The following CCR5AS variants were observed in gnomAD, a reference collection of about 807,000 sequenced individuals.
CCR5AS encodes CCR5 antisense RNA.
At chr3:46,371,702 G>A (rs948296393) in intron 2 of CCR5AS, among the ~76,000 whole-genome samples, 26 of 152,304 alleles carry the variant, frequency 1.7e-4, no homozygotes, top group African/African-American at 6.3e-4. Flanking sequence ...TTCATCTGTG[G>A]TGGCAGACGA....
At chr3:46,392,108 T>C (rs1053906141) in intron 2 of CCR5AS, among the ~76,000 whole-genome samples, 2 of 152,210 alleles carry the variant, frequency 1.3e-5, no homozygotes, top group African/African-American at 2.4e-5. Flanking sequence ...TTGTCAAGTT[T>C]GTATTGGGGC....
chr3:46,368,674 C>T (rs1362748677), intron 3 of CCR5AS, among the ~76,000 whole-genome samples: 1 of 152,228 alleles, frequency 6.6e-6, no homozygotes, highest in Non-Finnish European at 1.5e-5. Flanking sequence ...TGCCCCAGGT[C>T]TAGCACGTCA....
rs140523021 is a variant in CCR5AS at position 46,368,905 on chromosome 3, C to G, written n.565+2339G>C. Among the ~76,000 whole-genome samples the G allele has an allele frequency of 1.6e-3, 248 of 152,290 alleles. 1 individual carries two copies. Among genetic ancestry groups the G allele is most frequent in the African/African-American group, 5.3e-3 (222 of 41,556 alleles). On this transcript the variant is annotated intron_variant and non_coding_transcript_variant, in intron 3 of 3. Coordinates refer to ENST00000451485, the Ensembl canonical transcript of CCR5AS. The stretch of plus-strand genomic sequence containing the variant: ...TGGTGAAAGTAAGAACCAGCAATTG[C>G]CACAAACAGAAATACAGTGTTGGTC...
At chr3:46,400,725 G>A (rs1221383894) in intron 1 of CCR5AS, among the ~76,000 whole-genome samples, 1 of 152,188 alleles carries the variant, frequency 6.6e-6, no homozygotes, top group African/African-American at 2.4e-5. Context: ...TGGGAAACTG[G>A]GGTGAATAGA....
At chr3:46,380,134 G>A (rs1210459180) in intron 2 of CCR5AS, among the ~76,000 whole-genome samples, 1 of 152,142 alleles carries the variant, frequency 6.6e-6, no homozygotes, top group Non-Finnish European at 1.5e-5. Context: ...TAGTGGGCAT[G>A]CCTTCAACCT....
At chr3:46,381,939 C>A (rs1039553801) in intron 2 of CCR5AS, among the ~76,000 whole-genome samples, 2 of 152,156 alleles carry the variant, frequency 1.3e-5, no homozygotes, top group Non-Finnish European at 1.5e-5. Context: ...GATACAGGAG[C>A]TAAAAAGAAA....
intron 2 of CCR5AS, among the ~76,000 whole-genome samples, chr3:46,391,457 G>A (rs1355813951): frequency 6.6e-6 from 1 of 152,144 alleles, no homozygotes; most frequent in South Asian, 2.1e-4. Flanking sequence ...AGCAGATTGG[G>A]TAATAAAATG....
intron 3 of CCR5AS, among the ~76,000 whole-genome samples, chr3:46,369,488 C>A (rs1002062318): frequency 3.9e-5 from 6 of 152,160 alleles, no homozygotes; most frequent in South Asian, 2.1e-4. Flanking sequence ...ACTGTTCTGG[C>A]TTTTCCCAAG....
At chr3:46,376,883 C>T (rs1329124362) in intron 2 of CCR5AS, among the ~76,000 whole-genome samples, 1 of 152,106 alleles carries the variant, frequency 6.6e-6, no homozygotes, top group Non-Finnish European at 1.5e-5. Context: ...AAAAGCTGCC[C>T]GTGGTCCTAT....
intron 2 of CCR5AS, among the ~76,000 whole-genome samples, chr3:46,389,675 T>C (rs1404924527): frequency 6.6e-6 from 1 of 151,250 alleles, no homozygotes; most frequent in Non-Finnish European, 1.5e-5. Context: ...TTTGAGAGAG[T>C]GAAAGGAAGA....
At position 46,406,091 on chromosome 3, in the gene CCR5AS, G is replaced by A. The variant is rs760975840; in HGVS notation, n.163+806C>T. 4.6e-5 allele frequency among the ~76,000 whole-genome samples: 7 copies of A among 152,082 alleles called. No homozygotes were observed. In the East Asian group the frequency reaches 1.2e-3, roughly 25 times the overall value. On this transcript the variant is annotated intron_variant and non_coding_transcript_variant, in intron 1 of 3. Coordinates refer to ENST00000451485, the Ensembl canonical transcript of CCR5AS. ...GGATCTCACTATGTTGCCCAGGCTG[G>A]CCTCAAACTCCTGGGCTCAAGCGAC...
intron 1 of CCR5AS, among the ~76,000 whole-genome samples, chr3:46,398,321 C>A (rs774175389): frequency 6.6e-5 from 10 of 152,162 alleles, no homozygotes; most frequent in Non-Finnish European, 1.2e-4. Context: ...AAAGCTACTG[C>A]AGAGAAAATA....
At chr3:46,386,437 G>A (rs2106766042) in intron 2 of CCR5AS, among the ~76,000 whole-genome samples, 1 of 152,268 alleles carries the variant, frequency 6.6e-6, no homozygotes, top group South Asian at 2.1e-4. Flanking sequence ...ATAGACCAAA[G>A]GGAAGTGACT....
intron 1 of CCR5AS, among the ~76,000 whole-genome samples, chr3:46,404,476 G>A (rs535462727): frequency 6.6e-5 from 10 of 151,348 alleles, no homozygotes; most frequent in Admixed American, 5.9e-4. Flanking sequence ...CTGGGATTAC[G>A]GGCACCCATC....
chr3:46,383,861 A>G (rs1453641277), intron 2 of CCR5AS, among the ~76,000 whole-genome samples: 1 of 152,210 alleles, frequency 6.6e-6, no homozygotes, highest in African/African-American at 2.4e-5. Flanking sequence ...TATGTGCCAG[A>G]TGCCAACTCA....
At chr3:46,368,544 C>A (rs954100134) in intron 3 of CCR5AS, among the ~76,000 whole-genome samples, 1 of 152,210 alleles carries the variant, frequency 6.6e-6, no homozygotes, top group Non-Finnish European at 1.5e-5. Context: ...AGTGGAGTAA[C>A]GCACACTGCA....
At chr3:46,398,575 A>G (rs995104105) in intron 1 of CCR5AS, among the ~76,000 whole-genome samples, 4 of 152,074 alleles carry the variant, frequency 2.6e-5, no homozygotes, top group African/African-American at 9.7e-5. Flanking sequence ...AGGGTGTCTT[A>G]CTCTTTTGGA....
At chr3:46,403,305 A>G (rs964540895) in intron 1 of CCR5AS, among the ~76,000 whole-genome samples, 2 of 152,198 alleles carry the variant, frequency 1.3e-5, no homozygotes, top group Non-Finnish European at 2.9e-5. Flanking sequence ...CCTATTTCTC[A>G]AGATCAAGTT....
intron 1 of CCR5AS, among the ~76,000 whole-genome samples, chr3:46,399,257 T>C (rs892804241): frequency 2.0e-5 from 3 of 152,224 alleles, no homozygotes; most frequent in African/African-American, 7.2e-5. Flanking sequence ...CGGGAGATCC[T>C]GGACACTTCC....
Sources: allele counts gnomAD v4.1 joint callset (sites outside exome capture counted in the v4.1 genomes callset), GRCh38; gene constraint gnomAD v4.1.1; transcripts MANE v1.5; gene names NCBI Gene and HGNC (gene_info 2026-07-23, HGNC 2026-07-21).